EXOC6B: variants seen among roughly 807,000 people sequenced by gnomAD.
EXOC6B encodes the protein exocyst complex component 6B, also known as SEC15 homolog B.
EXOC6B carries 54 observed loss-of-function variants against 113.5 expected under a neutral mutation model. The ratio of observed to expected loss-of-function variants is 0.48; its 90% CI spans 0.38 to 0.60. The LOEUF is 0.60. Among genes scored for constraint, EXOC6B ranks in the 20% least tolerant of loss-of-function variants. The pLI, the probability that EXOC6B is intolerant of heterozygous loss-of-function variation, is 0.00. For synonymous variants in EXOC6B, 357 were observed against 339.0 expected, an observed-to-expected ratio of 1.05 and a Z score of -0.58; for missense variants, 797 against 977.5, an observed-to-expected ratio of 0.82 and a Z score of 2.46.
At chr2:72,701,620 T>C (rs1678351609) in intron 6 of EXOC6B, among the ~76,000 whole-genome samples, 2 of 152,122 alleles carry the variant, frequency 1.3e-5, no homozygotes, top group African/African-American at 4.8e-5. Context: ...CCTCAAGAAA[T>C]TGTCAATAAA....
At chr2:72,264,508 C>G (rs746844594) in intron 20 of EXOC6B, among the ~76,000 whole-genome samples, 16 of 152,070 alleles carry the variant, frequency 1.1e-4, no homozygotes, top group South Asian at 8.3e-4. Context: ...GAGGCAGAGG[C>G]TGCAGTGAGC....
intron 19 of EXOC6B, among the ~76,000 whole-genome samples, chr2:72,357,910 T>C (rs1690066391): frequency 6.6e-6 from 1 of 152,136 alleles, no homozygotes; most frequent in Non-Finnish European, 1.5e-5. Flanking sequence ...TAGGTTTGTA[T>C]AAGTACATTC....
intron 20 of EXOC6B, among the ~76,000 whole-genome samples, chr2:72,322,051 C>T (rs1188984502): frequency 1.3e-5 from 2 of 152,014 alleles, no homozygotes; most frequent in Non-Finnish European, 2.9e-5. Flanking sequence ...TTATTATAGG[C>T]CCAACGATTC....
At chr2:72,319,875 G>A (rs571965405) in intron 20 of EXOC6B, among the ~76,000 whole-genome samples, 9 of 150,696 alleles carry the variant, frequency 6.0e-5, no homozygotes, top group South Asian at 2.1e-4. Context: ...TCGCTCTGTC[G>A]CCCAGGCTGA....
At chr2:72,362,276 G>A (rs895725617) in intron 19 of EXOC6B, among the ~76,000 whole-genome samples, 6 of 152,192 alleles carry the variant, frequency 3.9e-5, no homozygotes, top group African/African-American at 1.4e-4. Flanking sequence ...AGATGCAATT[G>A]TTGCTACATT....
At chr2:72,213,157 G>T (rs1360833440) in intron 20 of EXOC6B, among the ~76,000 whole-genome samples, 1 of 152,198 alleles carries the variant, frequency 6.6e-6, no homozygotes, top group Non-Finnish European at 1.5e-5. Context: ...GTAAAGAGAG[G>T]TCTCAGCCTC....
intron 20 of EXOC6B, among the ~76,000 whole-genome samples, chr2:72,272,121 A>T (rs1385242319): frequency 6.6e-6 from 1 of 152,088 alleles, no homozygotes; most frequent in Non-Finnish European, 1.5e-5. Context: ...TTTATCAGGG[A>T]GGTAAAAAAG....
chr2:72,384,665 A>G (rs905741484), intron 18 of EXOC6B, among the ~76,000 whole-genome samples: 5 of 152,144 alleles, frequency 3.3e-5, no homozygotes, highest in African/African-American at 1.2e-4. Context: ...CAAATTCAGT[A>G]AAGTTGCAGG....
At chr2:72,623,302 GA>G (rs1553454896) in intron 6 of EXOC6B, among the ~76,000 whole-genome samples, 1 of 151,962 alleles carries the variant, frequency 6.6e-6, no homozygotes, top group Non-Finnish European at 1.5e-5. Flanking sequence ...CTCTAACCTA[GA>G]ACTCTTTTAG....
At chr2:72,478,365 C>T (rs1024717077) in intron 17 of EXOC6B, among the ~76,000 whole-genome samples, 1 of 152,196 alleles carries the variant, frequency 6.6e-6, no homozygotes, top group Admixed American at 6.5e-5. Context: ...ACTCTTTCTA[C>T]CCCTTTTCCA....
At chr2:72,484,120 T>C (rs1216960121) in intron 16 of EXOC6B, among the ~76,000 whole-genome samples, 1 of 151,528 alleles carries the variant, frequency 6.6e-6, no homozygotes. Context: ...GAAAGGTACA[T>C]AGCACACCTT....
rs1396421985 is a variant in EXOC6B, at chr2:72,268,121, G to GT, written c.2196+66825dup. ...GTTTTGGGTTTTTTTGTTTTGTTTT[G>GT]TTTTTTTGAGACAGAGTCTCACTCT... On this transcript the variant is annotated intron_variant, in intron 20 of 21. Transcript: ENST00000272427. 5.9e-5 allele frequency among the ~76,000 whole-genome samples: 9 copies of GT among 152,084 alleles called. No homozygotes were observed. The East Asian group carries it at 7.7e-4, about 13-fold the overall frequency.
intron 14 of EXOC6B, 104 bp from the exon 15 acceptor site, chr2:72,495,643 T>C (rs571791495): frequency 2.4e-4 from 160 of 675,304 alleles, no homozygotes; most frequent in East Asian, 4.0e-4. Context: ...ACATTGTGAA[T>C]TGTCTCCTTA....
intron 8 of EXOC6B, among the ~76,000 whole-genome samples, chr2:72,557,079 C>T (rs1703586962): frequency 6.6e-6 from 1 of 150,940 alleles, no homozygotes; most frequent in African/African-American, 2.4e-5. Context: ...TACTAATAAC[C>T]AGAGAAATGC....
At chr2:72,407,701 G>T (rs1421517578) in intron 18 of EXOC6B, among the ~76,000 whole-genome samples, 3 of 152,136 alleles carry the variant, frequency 2.0e-5, no homozygotes, top group Admixed American at 6.5e-5. Flanking sequence ...ATTAGGTATT[G>T]ATGGGACGTA....
chr2:72,618,351 G>A (rs983065938), intron 6 of EXOC6B, among the ~76,000 whole-genome samples: 3 of 151,934 alleles, frequency 2.0e-5, no homozygotes, highest in African/African-American at 4.8e-5. Context: ...CCTGGGTGAC[G>A]AGAGTGAAAC....
chr2:72,188,427 A>T (rs1328913536), intron 20 of EXOC6B, among the ~76,000 whole-genome samples: 1 of 152,196 alleles, frequency 6.6e-6, no homozygotes, highest in Non-Finnish European at 1.5e-5. Flanking sequence ...CTCTGGGTCC[A>T]TGTTGCTTCC....
At chr2:72,208,466 T>A (rs1679968029) in intron 20 of EXOC6B, among the ~76,000 whole-genome samples, 1 of 152,152 alleles carries the variant, frequency 6.6e-6, no homozygotes, top group Admixed American at 6.5e-5. Context: ...TGTACCACAT[T>A]TTCTTTATCC....
At position 72,592,657 on chromosome 2, in the gene EXOC6B, T is replaced by C. The variant is rs370865336; in HGVS notation, c.670-16989A>G. ...ACAGTGCTGTGGTGCTGTGATATAA[T>C]AAGAAATATATATTTGGTCTTCATC... On this transcript the variant is annotated intron_variant, in intron 6 of 21. Coordinates refer to ENST00000272427, the MANE Select transcript of EXOC6B (RefSeq NM_015189.3). 8.5e-4 allele frequency among the ~76,000 whole-genome samples: 129 copies of C among 152,286 alleles called. No homozygotes were observed. In the South Asian group the frequency reaches 0.016, roughly 19 times the overall value.
Sources: allele counts gnomAD v4.1 joint callset (sites outside exome capture counted in the v4.1 genomes callset), GRCh38; gene constraint gnomAD v4.1.1; transcripts MANE v1.5; gene names NCBI Gene and HGNC (gene_info 2026-07-23, HGNC 2026-07-21).